The following FAM168B variants were observed in gnomAD, a reference collection of about 807,000 sequenced individuals.
FAM168B encodes family with sequence similarity 168 member B.
FAM168B carries 19 observed loss-of-function variants against 21.8 expected under a neutral mutation model. That is an observed-to-expected ratio of 0.87 (90% CI 0.61 to 1.28). The LOEUF is 1.28. FAM168B is among the 50% of genes most tolerant of loss of function. The pLI is 0.00. For synonymous variants in FAM168B, 126 were observed against 104.8 expected (o/e 1.20, Z -1.24); for missense variants, 233 against 263.1 (o/e 0.89, Z 0.79).
At chr2:131,059,695 A>C (rs7561238) in intron 3 of FAM168B, among the ~76,000 whole-genome samples, 2 of 152,180 alleles carry the variant, frequency 1.3e-5, no homozygotes, top group African/African-American at 4.8e-5. Flanking sequence ...CAGTTTAAAC[A>C]AACAAACCCA....
At chr2:131,064,383 T>C (rs1320504876) in intron 3 of FAM168B, among the ~76,000 whole-genome samples, 1 of 152,096 alleles carries the variant, frequency 6.6e-6, no homozygotes, top group Non-Finnish European at 1.5e-5. Flanking sequence ...CACAGCATCA[T>C]GAAATTTCTG....
At position 131,050,689 on chromosome 2, in the gene FAM168B, A is replaced by T; in HGVS notation, c.*1776T>A. 1.0e-6 allele frequency: 1 copy of T among 985,478 alleles called. No individual in the cohort carries two copies. Among genetic ancestry groups the T allele is most frequent in the Non-Finnish European group, 1.2e-6 (1 of 829,934 alleles). 61.0% of individuals were successfully genotyped at this position (985,478 alleles called of 1,614,324 possible). A position where few individuals can be genotyped will look rare whatever the true frequency, so the allele number is the denominator to read the frequency against. On this transcript the variant is annotated 3_prime_UTR_variant, in exon 7 of 7. Coordinates refer to ENST00000389915, the MANE Select transcript of FAM168B (RefSeq NM_001009993.4). ...TTATAAGAAGTACTTACTATAAAAA[A>T]TAAGGTTACCAAAGGCTCAGTGGTC...
At chr2:131,092,805 G>T (rs1694100519) in intron 1 of FAM168B, among the ~76,000 whole-genome samples, 1 of 150,702 alleles carries the variant, frequency 6.6e-6, no homozygotes, top group African/African-American at 2.5e-5. Flanking sequence ...ATTCCGCCAA[G>T]CAAAAAAATA....
chr2:131,049,436 G>A lies in FAM168B; in HGVS notation c.*3029C>T, dbSNP rs747932643. 28 of 985,232 alleles carry A rather than the reference G, an allele frequency of 2.8e-5. No individual in the cohort carries two copies. Among genetic ancestry groups the A allele is most frequent in the East Asian group, 1.1e-4 (1 of 8,812 alleles). 61.0% of individuals were successfully genotyped at this position (985,232 alleles called of 1,614,324 possible). On this transcript the variant is annotated 3_prime_UTR_variant, in exon 7 of 7. Transcript: ENST00000389915. ...AGAACGTTCTTAACAGATGGCTCAC[G>A]AGAGACATAAAAGGTTCTGGAAGTG...
chr2:131,084,391 G>A (rs571707238), intron 1 of FAM168B, among the ~76,000 whole-genome samples: 2 of 151,152 alleles, frequency 1.3e-5, no homozygotes, highest in Admixed American at 6.6e-5. Flanking sequence ...ATAGAGATGA[G>A]GTTCCATCAT....
Position 131,093,380 on chromosome 2 carries a change from C to A in FAM168B, c.-178G>T. On this transcript the variant is annotated 5_prime_UTR_variant, in exon 1 of 7. Coordinates refer to ENST00000389915, the MANE Select transcript of FAM168B (RefSeq NM_001009993.4). ...GCCTCCCGGACGCCGCGCTCCCGCT[C>A]GCTCGGCTCCGCTTGGCCCGGCCCG... The A allele has an allele frequency of 1.3e-5, 2 of 150,930 alleles. No individual in the cohort carries two copies. The highest frequency in any genetic ancestry group is 4.0e-4 in the South Asian group (2 of 4,958). 9.3% of individuals were successfully genotyped at this position (150,930 alleles called of 1,614,324 possible). A position where few individuals can be genotyped will look rare whatever the true frequency, so the allele number is the denominator to read the frequency against.
chr2:131,091,383 C>T (rs1290380633), intron 1 of FAM168B, among the ~76,000 whole-genome samples: 4 of 151,568 alleles, frequency 2.6e-5, no homozygotes, highest in East Asian at 1.9e-4. Flanking sequence ...AGGCCGAGCG[C>T]GGTGGTGTCT....
rs1056802213 is a variant in FAM168B at position 131,050,924 on chromosome 2, C to A, written c.*1541G>T. On this transcript the variant is annotated 3_prime_UTR_variant, in exon 7 of 7. Transcript: ENST00000389915. ...AGGGACCCAGGCCTTACATCCCCCA[C>A]CCCCACTCTGACCCTCACTGAGAAC... 4.1e-6 allele frequency: 4 copies of A among 985,766 alleles called. No individual in the cohort carries two copies. The highest frequency in any genetic ancestry group is 3.6e-6 in the Non-Finnish European group (3 of 830,198). The allele number at this position is 985,766 out of a possible 1,614,324, so 61.1% of individuals were successfully genotyped here.
intron 2 of FAM168B, among the ~76,000 whole-genome samples, chr2:131,077,674 C>G (rs551096560): frequency 6.6e-6 from 1 of 152,324 alleles, no homozygotes; most frequent in South Asian, 2.1e-4. Flanking sequence ...TCTCCCTGGA[C>G]AGAAGGCCGT....
intron 1 of FAM168B, among the ~76,000 whole-genome samples, chr2:131,091,964 C>CCAA: frequency 8.0e-6 from 1 of 124,824 alleles, no homozygotes; most frequent in Middle Eastern, 4.5e-3. Flanking sequence ...CTCGTCTCTA[C>CCAA]TAAAAAAAAA....
intron 3 of FAM168B, among the ~76,000 whole-genome samples, chr2:131,062,594 T>A (rs1692359724): frequency 6.6e-6 from 1 of 152,208 alleles, no homozygotes. Context: ...ATTACAAGCG[T>A]GCACCACCAT....
chr2:131,093,032 G>A (rs918125063), intron 1 of FAM168B, among the ~76,000 whole-genome samples, 182 bp downstream of exon 1: 1 of 151,438 alleles, frequency 6.6e-6, no homozygotes, highest in African/African-American at 2.4e-5. Context: ...GTACGTGTCC[G>A]GCCGAGCTCC....
chr2:131,048,505 G>A lies in FAM168B; in HGVS notation c.*3960C>T. 9.1e-7 allele frequency: 1 copy of A among 1,102,316 alleles called. No individual in the cohort carries two copies. The highest frequency in any genetic ancestry group is 1.1e-6 in the Non-Finnish European group (1 of 886,386). The allele number at this position is 1,102,316 out of a possible 1,614,324, so 68.3% of individuals were successfully genotyped here. ...GACCAAGATAAGGCTATCCCCACAG[G>A]CTCTCTCTTCTTCAAATAATGAGTA... is the stretch of plus-strand genomic sequence containing the variant. On this transcript the variant is annotated 3_prime_UTR_variant, in exon 7 of 7. Coordinates refer to ENST00000389915, the MANE Select transcript of FAM168B (RefSeq NM_001009993.4).
In FAM168B at chr2:131,082,592, C is replaced by T; in HGVS notation, c.55G>A (p.Gly19Arg). 2 of 1,608,144 alleles carry T rather than the reference C, an allele frequency of 1.2e-6. No homozygotes were observed. Among genetic ancestry groups the T allele is most frequent in the Non-Finnish European group, 1.7e-6 (2 of 1,177,570 alleles). The change falls in exon 2 of 7, where the codon GGA becomes AGA. Residue 19 changes from glycine to arginine, a missense_variant. By Grantham distance (125) the Gly-to-Arg change is moderately radical (BLOSUM62 -2). Transcript: ENST00000389915. ...SSGVPYANAK[G>R]IGYPAGFPMG... ...ACTTACTTACCTGGATAACCAATTC[C>T]TTTGGCATTTGCATAGGGAACCCCA...
rs114016239 is a variant in FAM168B at position 131,052,475 on chromosome 2, T to A, written c.*13-23A>T. 1.3e-3 allele frequency: 1,268 copies of A among 1,000,058 alleles called. 10 individuals are homozygous for A. In the African/African-American group the frequency reaches 0.019, roughly 15 times the overall value. 61.9% of individuals were successfully genotyped at this position (1,000,058 alleles called of 1,614,324 possible). A position where few individuals can be genotyped will look rare whatever the true frequency, so the allele number is the denominator to read the frequency against. On this transcript the variant is annotated intron_variant, in intron 6 of 6. Coordinates refer to ENST00000389915, the MANE Select transcript of FAM168B (RefSeq NM_001009993.4). ...AACCTGCAGAAAGGAAGACAGACAC[T>A]CAGTCACACAGAGCTCTTCCGGCAC...
At chr2:131,073,829 C>T (rs1384732758) in intron 2 of FAM168B, among the ~76,000 whole-genome samples, 1 of 152,234 alleles carries the variant, frequency 6.6e-6, no homozygotes, top group Non-Finnish European at 1.5e-5. Context: ...ACTGGGAATG[C>T]ATACACACAG....
chr2:131,050,677 T>G lies in FAM168B; in HGVS notation c.*1788A>C. 4 of 985,214 alleles carry G rather than the reference T, an allele frequency of 4.1e-6. No individual in the cohort carries two copies. Among genetic ancestry groups the G allele is most frequent in the Non-Finnish European group, 4.8e-6 (4 of 829,680 alleles). The allele number at this position is 985,214 out of a possible 1,614,324, so 61.0% of individuals were successfully genotyped here. ...TGAAAAAGAAAATTATAAGAAGTAC[T>G]TACTATAAAAAATAAGGTTACCAAA... is the stretch of plus-strand genomic sequence containing the variant. On this transcript the variant is annotated 3_prime_UTR_variant, in exon 7 of 7. Coordinates refer to ENST00000389915, the MANE Select transcript of FAM168B (RefSeq NM_001009993.4).
intron 3 of FAM168B, among the ~76,000 whole-genome samples, chr2:131,065,828 A>C (rs989537082): frequency 6.6e-6 from 1 of 151,760 alleles, no homozygotes; most frequent in African/African-American, 2.4e-5. Flanking sequence ...AAAAGAAAAG[A>C]AAGCTCTACT....
intron 3 of FAM168B, among the ~76,000 whole-genome samples, chr2:131,066,532 G>C (rs1323427870): frequency 6.6e-6 from 1 of 152,166 alleles, no homozygotes; most frequent in Non-Finnish European, 1.5e-5. Context: ...ACAACCTTGT[G>C]TGTAGAGCTT....
Sources: gnomAD v4.1 joint callset for allele counts (sites outside exome capture counted in the v4.1 genomes callset) on GRCh38, gnomAD v4.1.1 for gene constraint, MANE v1.5 for transcripts, NCBI Gene and HGNC (gene_info 2026-07-23, HGNC 2026-07-21) for gene names.